The following MIIP variants were observed in gnomAD, a reference collection of about 807,000 sequenced individuals.
MIIP encodes migration and invasion-inhibitory protein.
In MIIP, 44 loss-of-function variants were observed where a neutral mutation model predicts 44.8. The observed-to-expected ratio is 0.98, with a 90% CI of 0.77 to 1.26. The LOEUF (loss-of-function observed/expected upper bound fraction) is 1.26. Ranked by LOEUF, MIIP falls within the 50% of genes most tolerant of loss-of-function variation. The pLI is 0.00. For missense variants in MIIP, 496 were observed against 511.7 expected (o/e 0.97, Z 0.30); for synonymous variants, 225 against 218.3 (o/e 1.03, Z -0.27).
chr1:12,020,190 C>G (rs767732295), intron 1 of MIIP, among the ~76,000 whole-genome samples: 2 of 152,198 alleles, frequency 1.3e-5, no homozygotes, highest in South Asian at 2.1e-4. Context: ...TAGCCTCTTG[C>G]TAGCTGTGTG....
chr1:12,022,327 C>T lies in MIIP; in HGVS notation c.347C>T (p.Ser116Leu), dbSNP rs755877236. The change falls in exon 3 of 10, where the codon TCG becomes TTG. Residue 116 changes from serine to leucine, a missense_variant. Ser to Leu is a moderately radical substitution (Grantham distance 145, BLOSUM62 -2). Coordinates refer to ENST00000235332, the MANE Select transcript of MIIP (RefSeq NM_021933.4). ...LGRPRPHSAP[S>L]LGTSSLRDPE... is the part of the protein sequence containing the mutation. Reference sequence around the variant, plus strand: ...CGACCGAGACCCCACTCAGCACCCTCGCTGGGCACCTCAAGCCTGAGGGAC... The same window carrying T: ...CGACCGAGACCCCACTCAGCACCCTTGCTGGGCACCTCAAGCCTGAGGGAC... 63 of 1,613,784 alleles carry T rather than the reference C, an allele frequency of 3.9e-5. No homozygotes were observed. The highest frequency in any genetic ancestry group is 1.0e-4 in the Admixed American group (6 of 59,998).
intron 4 of MIIP, among the ~76,000 whole-genome samples, chr1:12,025,678 C>T (rs1640091497): frequency 6.6e-6 from 1 of 152,106 alleles, no homozygotes; most frequent in African/African-American, 2.4e-5. Context: ...ATGATGTGAC[C>T]TCCCGTCTTT....
chr1:12,025,417 T>A (rs1036195873), intron 4 of MIIP, among the ~76,000 whole-genome samples: 1 of 152,132 alleles, frequency 6.6e-6, no homozygotes, highest in African/African-American at 2.4e-5. Context: ...ATGCCACATG[T>A]TGTTTATCTG....
Position 12,028,917 on chromosome 1 carries a change from A to G in MIIP, c.548-116A>G, listed in dbSNP as rs1464754111. The G allele has an allele frequency of 3.8e-6, 3 of 779,286 alleles. No homozygotes were observed. In the African/African-American group the frequency reaches 5.2e-5, roughly 13 times the overall value. The allele number at this position is 779,286 out of a possible 1,614,324, so 48.3% of individuals were successfully genotyped here. A position where few individuals can be genotyped will look rare whatever the true frequency, so the allele number is the denominator to read the frequency against. Reference sequence around the variant, plus strand: ...CTGGCCTGTTTGAGGCACAGTAGGGATGAAGCAGGTGGCCTGGGGTGCCAG... The same window carrying G: ...CTGGCCTGTTTGAGGCACAGTAGGGGTGAAGCAGGTGGCCTGGGGTGCCAG... On this transcript the variant is annotated intron_variant, in intron 4 of 9. Transcript: ENST00000235332.
At chr1:12,021,944 G>T (rs1010129854) in intron 2 of MIIP, 104 bp downstream of exon 2, 52 of 1,235,706 alleles carry the variant, frequency 4.2e-5, no homozygotes, top group Non-Finnish European at 2.8e-5. Flanking sequence ...TTTTACTGAT[G>T]ATGGGACATT....
rs145876832 is a variant in MIIP at position 12,022,462 on chromosome 1, C to G, written c.462+20C>G. 1.3e-6 allele frequency: 2 copies of G among 1,490,686 alleles called. No individual in the cohort carries two copies. Among genetic ancestry groups the G allele is most frequent in the African/African-American group, 2.8e-5 (2 of 71,024 alleles). 92.3% of individuals were successfully genotyped at this position (1,490,686 alleles called of 1,614,324 possible). A position where few individuals can be genotyped will look rare whatever the true frequency, so the allele number is the denominator to read the frequency against. ...TCCAAGGTAACGTGGGAGAGCGGGA[C>G]ATCTGCTGATGGGAGGAGCTTCCTT... On this transcript the variant is annotated intron_variant, in intron 3 of 9. Transcript: ENST00000235332.
Position 12,030,029 on chromosome 1 carries a change from G to C in MIIP, c.847G>C (p.Val283Leu). The part of the protein sequence containing the change: ...GTLAQPAHVR[V>L]SIPLSILEPP... Reference sequence around the variant, plus strand: ...GTCCCCCACTGCCCCCCTGCGCAGGGTGAGCATCCCGCTGTCGATCCTGGA... The same window carrying C: ...GTCCCCCACTGCCCCCCTGCGCAGGCTGAGCATCCCGCTGTCGATCCTGGA... The change falls in exon 8 of 10, where the codon GTG becomes CTG. Residue 283 changes from valine (V) to leucine (L), a missense_variant and splice_region_variant. Transcript: ENST00000235332. The C allele has an allele frequency of 7.4e-6, 12 of 1,613,462 alleles. No homozygotes were observed. Among genetic ancestry groups the C allele is most frequent in the Non-Finnish European group, 1.0e-5 (12 of 1,179,864 alleles).
chr1:12,026,969 C>A (rs1244358588), intron 4 of MIIP, among the ~76,000 whole-genome samples: 1 of 151,954 alleles, frequency 6.6e-6, no homozygotes, highest in African/African-American at 2.4e-5. Context: ...AGCCTCGTTG[C>A]CTTCAATTTC....
At position 12,031,998 on chromosome 1, in the gene MIIP, G is replaced by C. The variant is rs531145545; in HGVS notation, c.*190G>C. ...GGGAGGACCCTGGGGTGGAGGGTGA[G>C]GGATTCTGTGGAAGTTTGTAAATAA... On this transcript the variant is annotated 3_prime_UTR_variant, in exon 10 of 10. Coordinates refer to ENST00000235332, the MANE Select transcript of MIIP (RefSeq NM_021933.4). 692 of 607,898 alleles carry C rather than the reference G, an allele frequency of 1.1e-3. 4 individuals are homozygous for C. The African/African-American group carries it at 0.012, about 10-fold the overall frequency. 37.7% of individuals were successfully genotyped at this position (607,898 alleles called of 1,614,324 possible).
At position 12,031,420 on chromosome 1, in the gene MIIP, A is replaced by C. The variant is rs746180536; in HGVS notation, c.1080+17A>C. 1 of 1,609,074 alleles carries C rather than the reference A, an allele frequency of 6.2e-7. No homozygotes were observed. Among genetic ancestry groups the C allele is most frequent in the South Asian group, 1.1e-5 (1 of 90,892 alleles). On this transcript the variant is annotated intron_variant, in intron 9 of 9. Coordinates refer to ENST00000235332, the MANE Select transcript of MIIP (RefSeq NM_021933.4). ...TTTCACCCGGTACGGTCCAGATCGC[A>C]TCCTAGCCTGGGGTGCCCCCTAGAG... is the stretch of plus-strand genomic sequence containing the variant.
At chr1:12,030,006 C>T in intron 7 of MIIP, 22 bp from the exon 8 acceptor site, 2 of 1,609,582 alleles carry the variant, frequency 1.2e-6, no homozygotes, top group Non-Finnish European at 1.7e-6. Flanking sequence ...CCTCAGGGGT[C>T]CCCCACTGCC....
At position 12,022,254 on chromosome 1, in the gene MIIP, G is replaced by A; in HGVS notation, c.274G>A (p.Val92Met). 2 of 1,613,576 alleles carry A rather than the reference G, an allele frequency of 1.2e-6. No homozygotes were observed. The highest frequency in any genetic ancestry group is 8.5e-7 in the Non-Finnish European group (1 of 1,179,850). The stretch of plus-strand genomic sequence containing the variant: ...CCTCCGTGATGTGGCCAGATCGGGG[G>A]TGGCCTCTCTCCCACCTGCCAAATG... ...GDLRDVARSGVASLPPAKCQH... is the reference protein window; with the variant it reads ...GDLRDVARSGMASLPPAKCQH... Residue 92 changes from valine to methionine, a missense_variant, in exon 3 of 10, where the codon GTG (valine) becomes ATG (methionine). Transcript: ENST00000235332.
At chr1:12,024,538 C>T (rs879442224) in intron 4 of MIIP, among the ~76,000 whole-genome samples, 11 of 152,122 alleles carry the variant, frequency 7.2e-5, no homozygotes, top group Admixed American at 2.0e-4. Context: ...CTCAGCGTCC[C>T]GAGTAGCTGG....
chr1:12,023,849 C>A (rs963713584), intron 4 of MIIP, among the ~76,000 whole-genome samples: 79 of 152,072 alleles, frequency 5.2e-4, no homozygotes, highest in Middle Eastern at 3.4e-3. Context: ...CAATAATTAG[C>A]CGGGTGTGGT....
chr1:12,022,808 T>C, intron 3 of MIIP, 25 bp from the exon 4 acceptor site: 1 of 1,574,280 alleles, frequency 6.4e-7, no homozygotes, highest in Non-Finnish European at 8.7e-7. Flanking sequence ...GCTTAGTCCT[T>C]GTCCCTCTGT....
chr1:12,019,697 C>T (rs1639928789), intron 1 of MIIP, 145 bp downstream of exon 1: 2 of 152,342 alleles, frequency 1.3e-5, no homozygotes, highest in Non-Finnish European at 2.9e-5. Context: ...TCGGCGTCCG[C>T]CCGCTCGCCC....
At chr1:12,030,523 A>G (rs981382020) in intron 8 of MIIP, among the ~76,000 whole-genome samples, 31 of 133,678 alleles carry the variant, frequency 2.3e-4, no homozygotes, top group South Asian at 2.7e-4. Flanking sequence ...AGGAGCTGGG[A>G]TTCGAACCTA....
chr1:12,030,606 A>G lies in MIIP; in HGVS notation c.942+482A>G, dbSNP rs1485653516. The stretch of plus-strand genomic sequence containing the variant: ...AGACCGAGTTTTGTTCTTACTGCCC[A>G]GGCTGGAGTGCATTGGCATGGTCTC... On this transcript the variant is annotated intron_variant, in intron 8 of 9. Coordinates refer to ENST00000235332, the MANE Select transcript of MIIP (RefSeq NM_021933.4). 2.8e-5 allele frequency among the ~76,000 whole-genome samples: 3 copies of G among 106,692 alleles called. No homozygotes were observed. In the East Asian group the frequency reaches 8.6e-4, roughly 31 times the overall value. 70.0% of individuals were successfully genotyped at this position (106,692 alleles called of 152,430 possible).
chr1:12,020,532 C>A (rs1405615769), intron 1 of MIIP, among the ~76,000 whole-genome samples: 1 of 152,158 alleles, frequency 6.6e-6, no homozygotes, highest in African/African-American at 2.4e-5. Flanking sequence ...GTGTGTGTGA[C>A]AGTCTTGCTC....
Sources: gnomAD v4.1 joint callset for allele counts (sites outside exome capture counted in the v4.1 genomes callset) on GRCh38, gnomAD v4.1.1 for gene constraint, MANE v1.5 for transcripts, NCBI Gene and HGNC (gene_info 2026-07-23, HGNC 2026-07-21) for gene names.